CCDC157: variants seen among roughly 807,000 people sequenced by gnomAD.
The protein encoded by CCDC157 is coiled-coil domain-containing protein 157.
CCDC157 carries 60 observed loss-of-function variants against 70.9 expected under a neutral mutation model. The observed-to-expected ratio is 0.85, with a 90% CI of 0.69 to 1.05. The LOEUF is 1.05. Among genes scored for constraint, CCDC157 ranks in the 50% least tolerant of loss-of-function variants. The pLI is 0.00. For synonymous variants in CCDC157, 373 were observed against 422.4 expected (o/e 0.88, Z 1.43); for missense variants, 943 against 984.2 (o/e 0.96, Z 0.56).
intron 2 of CCDC157, among the ~76,000 whole-genome samples, chr22:30,364,045 C>CT (rs1932549127): frequency 6.6e-6 from 1 of 152,120 alleles, no homozygotes; most frequent in South Asian, 2.1e-4. Flanking sequence ...AATCCCAGCA[C>CT]TTTGAGAGGC....
rs1215694959 is a variant in CCDC157 at position 30,366,081 on chromosome 22, C to T, written c.81C>T (p.Asp27=). The T allele has an allele frequency of 1.1e-5, 18 of 1,610,684 alleles. No individual in the cohort carries two copies. The highest frequency in any genetic ancestry group is 1.4e-5 in the Non-Finnish European group (17 of 1,179,902). ...DLTDLQGAIV[D]VFSRAGPVRF... is the part of the protein sequence containing the mutation. ...CCGACCTGCAGGGTGCCATCGTAGA[C>T]GTCTTCTCCCGCGCCGGGCCTGTGC... Residue 27 remains aspartate, a synonymous_variant, in exon 3 of 12, where the codon GAC becomes GAT. Coordinates refer to ENST00000338306, the MANE Select transcript of CCDC157 (RefSeq NM_001017437.5).
chr22:30,371,795 C>T, intron 6 of CCDC157, 68 bp downstream of exon 6: 1 of 1,342,658 alleles, frequency 7.4e-7, no homozygotes, highest in South Asian at 1.2e-5. Context: ...TGAGCATCGT[C>T]CATCTCTGTC....
At chr22:30,366,973 G>A (rs35782599) in intron 3 of CCDC157, 30,667 of 151,664 alleles carry the variant, frequency 0.2, 3,361 homozygotes, top group Middle Eastern at 0.36. Flanking sequence ...CATGAGAATC[G>A]CTTGAATCTG....
At chr22:30,374,127 G>A in intron 9 of CCDC157, 36 bp downstream of exon 9, 1 of 1,558,258 alleles carries the variant, frequency 6.4e-7, no homozygotes, top group Non-Finnish European at 8.7e-7. Context: ...GGCATGCTGG[G>A]GCTCAGGGCC....
At chr22:30,371,550 A>G in intron 5 of CCDC157, 100 bp from the exon 6 acceptor site, 1 of 1,003,562 alleles carries the variant, frequency 1.0e-6, no homozygotes, top group Non-Finnish European at 1.6e-6. Flanking sequence ...GCCCCTCTGC[A>G]GGCGATGGGC....
rs1173679607 is a variant in CCDC157 at position 30,371,694 on chromosome 22, C to T, written c.1090C>T (p.Leu364=). The part of the protein sequence containing the change: ...KTKMATLERE[L]KQQRESTQAV... The stretch of plus-strand genomic sequence containing the variant: ...AAAGATGGCCACCCTGGAGAGAGAA[C>T]TGAAACAGCAGCGGGAGTCCACACA... The change falls in exon 6 of 12, where the codon CTG becomes TTG. Residue 364 remains leucine (L), a synonymous_variant. Transcript: ENST00000338306. 1.2e-6 allele frequency: 2 copies of T among 1,614,060 alleles called. No homozygotes were observed. Among genetic ancestry groups the T allele is most frequent in the African/African-American group, 1.3e-5 (1 of 74,942 alleles).
At chr22:30,375,999 A>G in intron 10 of CCDC157, 3 of 549,294 alleles carry the variant, frequency 5.5e-6, no homozygotes, top group Non-Finnish European at 3.2e-6. Flanking sequence ...ACCAGCCTGG[A>G]CAATATAATG....
intron 7 of CCDC157, 145 bp from the exon 8 acceptor site, chr22:30,373,452 T>C (rs1401751431): frequency 2.4e-6 from 2 of 850,096 alleles, no homozygotes; most frequent in Non-Finnish European, 3.6e-6. Context: ...CTTCCACGCA[T>C]GTGACCAGCA....
At position 30,376,847 on chromosome 22, in the gene CCDC157, G is replaced by T; in HGVS notation, c.*102G>T. ...CACAGCAATCTTTGCCTCACAGTAT[G>T]ACTGAGCCAAGGAAAGAACCCTTCC... On this transcript the variant is annotated 3_prime_UTR_variant, in exon 12 of 12. Transcript: ENST00000338306. 8.3e-7 allele frequency: 1 copy of T among 1,209,940 alleles called. No individual in the cohort carries two copies. The highest frequency in any genetic ancestry group is 1.2e-6 in the Non-Finnish European group (1 of 866,506). The allele number at this position is 1,209,940 out of a possible 1,614,324, so 75.0% of individuals were successfully genotyped here.
chr22:30,366,279 A>G (rs751497200), intron 3 of CCDC157, 31 bp downstream of exon 3: 20 of 1,609,282 alleles, frequency 1.2e-5, no homozygotes, highest in Non-Finnish European at 1.7e-5. Flanking sequence ...TGGTCATCTC[A>G]GGATGCCAGC....
Position 30,377,202 on chromosome 22 carries a change from C to A in CCDC157, c.*457C>A, listed in dbSNP as rs1933416768. On this transcript the variant is annotated 3_prime_UTR_variant, in exon 12 of 12. Coordinates refer to ENST00000338306, the MANE Select transcript of CCDC157 (RefSeq NM_001017437.5). The stretch of plus-strand genomic sequence containing the variant: ...CAGAGGGCAGCAACGCCTTCAGCCT[C>A]CCACCCTGGCTCTGGACCTGCGCTG... The A allele has an allele frequency of 5.3e-6, 1 of 188,756 alleles. No homozygotes were observed. Among genetic ancestry groups the A allele is most frequent in the African/African-American group, 2.3e-5 (1 of 43,376 alleles). The allele number at this position is 188,756 out of a possible 1,614,324, so 11.7% of individuals were successfully genotyped here.
In CCDC157 at chr22:30,377,081, C is replaced by T. The variant is rs1019340775; in HGVS notation, c.*336C>T. 1.6e-5 allele frequency: 6 copies of T among 364,418 alleles called. No individual in the cohort carries two copies. The highest frequency in any genetic ancestry group is 7.9e-4 in the Middle Eastern group (1 of 1,272). 22.6% of individuals were successfully genotyped at this position (364,418 alleles called of 1,614,324 possible). A position where few individuals can be genotyped will look rare whatever the true frequency, so the allele number is the denominator to read the frequency against. The stretch of plus-strand genomic sequence containing the variant: ...GTTTTTCTATCCCCAGAGCAAGGGT[C>T]GAGGGGTGAACCTTGGCTCAGTGGC... On this transcript the variant is annotated 3_prime_UTR_variant, in exon 12 of 12. Transcript: ENST00000338306.
chr22:30,366,535 G>C (rs1002958564), intron 3 of CCDC157: 6 of 483,990 alleles, frequency 1.2e-5, no homozygotes, highest in Non-Finnish European at 2.0e-5. Context: ...CTGTGACCAC[G>C]GTCTCTCAGC....
chr22:30,371,040 G>A, intron 5 of CCDC157, 90 bp downstream of exon 5: 5 of 1,449,532 alleles, frequency 3.4e-6, no homozygotes, highest in Non-Finnish European at 4.6e-6. Flanking sequence ...TCCAGGGCAA[G>A]TGGTTTGTGT....
At chr22:30,356,883 T>C (rs888277105), upstream of CCDC157, 23 of 1,114,776 alleles carry the variant, frequency 2.1e-5, no homozygotes, top group Non-Finnish European at 2.6e-5. Flanking sequence ...TACGACGAGC[T>C]CGCAAGATGG....
intron 1 of CCDC157, among the ~76,000 whole-genome samples, chr22:30,360,482 G>A (rs1932256312): frequency 6.6e-6 from 1 of 151,512 alleles, no homozygotes; most frequent in Non-Finnish European, 1.5e-5. Flanking sequence ...TCCAGCCTGA[G>A]CGACAGAGCG....
intron 1 of CCDC157, among the ~76,000 whole-genome samples, chr22:30,361,642 A>G (rs1308597480): frequency 6.6e-6 from 1 of 152,230 alleles, no homozygotes; most frequent in African/African-American, 2.4e-5. Context: ...AGAAGGACAG[A>G]GCAGAGATGG....
At chr22:30,375,386 A>T in intron 9 of CCDC157, 93 bp from the exon 10 acceptor site, 1 of 1,156,696 alleles carries the variant, frequency 8.6e-7, no homozygotes, top group South Asian at 1.3e-5. Context: ...ATGAGCTAGG[A>T]GGCCTGGTGC....
At position 30,365,944 on chromosome 22, in the gene CCDC157, C is replaced by T. The variant is rs1932693313; in HGVS notation, c.-11-46C>T. 1.8e-5 allele frequency: 27 copies of T among 1,514,032 alleles called. No individual in the cohort carries two copies. In the South Asian group the frequency reaches 2.5e-4, roughly 14 times the overall value. 93.8% of individuals were successfully genotyped at this position (1,514,032 alleles called of 1,614,324 possible). A position where few individuals can be genotyped will look rare whatever the true frequency, so the allele number is the denominator to read the frequency against. On this transcript the variant is annotated intron_variant, in intron 2 of 11. Transcript: ENST00000338306. ...GGTTTCAGGGAGTTTCCTCCTGCAG[C>T]AGCCACGTGGCTCTGGCTGGCAGGG...
Sources: allele counts gnomAD v4.1 joint callset (sites outside exome capture counted in the v4.1 genomes callset), GRCh38; gene constraint gnomAD v4.1.1; transcripts MANE v1.5; gene names NCBI Gene and HGNC (gene_info 2026-07-23, HGNC 2026-07-21).